PHYHIPL: variants seen among roughly 807,000 people sequenced by gnomAD.
PHYHIPL encodes the protein phytanoyl-CoA 2-hydroxylase interacting protein like.
Under a neutral mutation model 33.4 loss-of-function variants are expected in PHYHIPL, and 9 were observed. The observed-to-expected ratio is 0.27, with a 90% CI of 0.16 to 0.47. The LOEUF (loss-of-function observed/expected upper bound fraction) is 0.47. Among genes scored for constraint, PHYHIPL ranks in the 20% least tolerant of loss-of-function variants. The pLI is 0.99. For synonymous variants in PHYHIPL, 153 were observed against 154.1 expected, an observed-to-expected ratio of 0.99 and a Z score of 0.05; for missense variants, 365 against 460.7, an observed-to-expected ratio of 0.79 and a Z score of 1.90.
chr10:59,176,668 T>A lies in PHYHIPL; in HGVS notation c.-186T>A. Reference sequence around the variant, plus strand: ...AGAGCCGCACACTCCGCGGAGCTCCTGCCACAGCCGTCGCCTTCGCGGCGG... The same window carrying A: ...AGAGCCGCACACTCCGCGGAGCTCCAGCCACAGCCGTCGCCTTCGCGGCGG... On this transcript the variant is annotated 5_prime_UTR_variant, in exon 1 of 5. Transcript: ENST00000373880. 1 of 568,382 alleles carries A rather than the reference T, an allele frequency of 1.8e-6. No homozygotes were observed. Among genetic ancestry groups the A allele is most frequent in the Non-Finnish European group, 3.1e-6 (1 of 322,850 alleles). 35.2% of individuals were successfully genotyped at this position (568,382 alleles called of 1,614,324 possible). A position where few individuals can be genotyped will look rare whatever the true frequency, so the allele number is the denominator to read the frequency against.
At chr10:59,185,992 G>C (rs1838588882) in intron 1 of PHYHIPL, among the ~76,000 whole-genome samples, 1 of 152,052 alleles carries the variant, frequency 6.6e-6, no homozygotes, top group Admixed American at 6.6e-5. Context: ...TGTCAATTTT[G>C]GCTTTTGTTG....
intron 4 of PHYHIPL, among the ~76,000 whole-genome samples, chr10:59,242,165 C>T (rs1474860376): frequency 1.3e-5 from 2 of 152,132 alleles, no homozygotes; most frequent in Non-Finnish European, 2.9e-5. Flanking sequence ...CTGGATTTTC[C>T]ACCACTGCCC....
At chr10:59,176,321 G>A (rs1255395969), upstream of PHYHIPL, among the ~76,000 whole-genome samples, 3 of 152,198 alleles carry the variant, frequency 2.0e-5, no homozygotes, top group African/African-American at 7.2e-5. Flanking sequence ...GCCAGGCACC[G>A]AGAGCAGACA....
chr10:59,232,496 T>C (rs1336387544), intron 1 of PHYHIPL, among the ~76,000 whole-genome samples: 2 of 151,978 alleles, frequency 1.3e-5, no homozygotes, highest in Admixed American at 1.3e-4. Context: ...AAAAACAAAG[T>C]ATTATGTTCT....
At chr10:59,197,625 CT>C (rs933645495) in intron 1 of PHYHIPL, among the ~76,000 whole-genome samples, 1 of 152,094 alleles carries the variant, frequency 6.6e-6, no homozygotes, top group Non-Finnish European at 1.5e-5. Context: ...TGCTTTTACT[CT>C]TCTTTAACAT....
rs184038688 is a variant in PHYHIPL, at chr10:59,182,365, C to T, written c.106+5406C>T. ...ATTATTAGCATTATTATTATTGAGA[C>T]GGAGTTTCGCTCTTTCACCCAGGCT... On this transcript the variant is annotated intron_variant, in intron 1 of 4. Transcript: ENST00000373880. 4.2e-3 allele frequency among the ~76,000 whole-genome samples: 644 copies of T among 152,124 alleles called. 1 individual carries two copies. The highest frequency in any genetic ancestry group is 5.4e-3 in the Non-Finnish European group (370 of 68,008).
At position 59,243,635 on chromosome 10, in the gene PHYHIPL, T is replaced by C. The variant is rs148943682; in HGVS notation, c.597-1422T>C. 5.9e-5 allele frequency among the ~76,000 whole-genome samples: 9 copies of C among 152,262 alleles called. No individual in the cohort carries two copies. In the East Asian group the frequency reaches 1.7e-3, roughly 29 times the overall value. On this transcript the variant is annotated intron_variant, in intron 4 of 4. Transcript: ENST00000373880. The stretch of plus-strand genomic sequence containing the variant: ...CATTGCTGCTAAATTCAGAGGCAGA[T>C]CCAGGCATTTCACTGACCCATAAAC...
rs568752802 is a variant in PHYHIPL, at chr10:59,186,328, T to C, written c.106+9369T>C. 2.6e-3 allele frequency among the ~76,000 whole-genome samples: 402 copies of C among 152,306 alleles called. 2 individuals are homozygous for C. The highest frequency in any genetic ancestry group is 9.0e-3 in the African/African-American group (376 of 41,568). ...CTGTTCTGTTCCATTGGTCTCTATC[T>C]CTGTTTTGGTACCAGTACCATGCTG... On this transcript the variant is annotated intron_variant, in intron 1 of 4. Coordinates refer to ENST00000373880, the MANE Select transcript of PHYHIPL (RefSeq NM_032439.4).
At chr10:59,198,085 G>C (rs558770228) in intron 1 of PHYHIPL, among the ~76,000 whole-genome samples, 1 of 152,058 alleles carries the variant, frequency 6.6e-6, no homozygotes, top group East Asian at 1.9e-4. Context: ...TTAAGTTCTA[G>C]GGTACACGTG....
intron 4 of PHYHIPL, among the ~76,000 whole-genome samples, chr10:59,244,562 CAAAAAAAAA>C (rs71006239): frequency 0.015 from 586 of 39,596 alleles, 13 homozygotes; most frequent in African/African-American, 0.046. Context: ...GACTCTGTCT[CAAAAAAAAA>C]AAAAAAAAAA....
At chr10:59,195,383 G>A (rs1315995744) in intron 1 of PHYHIPL, among the ~76,000 whole-genome samples, 1 of 152,158 alleles carries the variant, frequency 6.6e-6, no homozygotes, top group Non-Finnish European at 1.5e-5. Flanking sequence ...CCAAAGAAAT[G>A]GGTAAAACCT....
At chr10:59,181,383 T>C (rs1297779591) in intron 1 of PHYHIPL, among the ~76,000 whole-genome samples, 1 of 152,120 alleles carries the variant, frequency 6.6e-6, no homozygotes, top group Non-Finnish European at 1.5e-5. Context: ...TTTTAAAGAA[T>C]AGTAAATTTT....
chr10:59,227,975 G>GAGATATATATATATATATATATATAT (rs10530291), intron 1 of PHYHIPL, among the ~76,000 whole-genome samples: 2,922 of 145,232 alleles, frequency 0.02, 52 homozygotes, highest in South Asian at 0.066. Context: ...TGCCTATTGA[G>GAGATATATATATATATATATATATAT]ATATATATAT....
chr10:59,198,858 G>T (rs1839008034), intron 1 of PHYHIPL, among the ~76,000 whole-genome samples: 1 of 152,144 alleles, frequency 6.6e-6, no homozygotes, highest in Admixed American at 6.5e-5. Context: ...GCCTTCTTTT[G>T]AGAAGTGTCT....
chr10:59,210,215 A>T (rs1163814145), intron 1 of PHYHIPL, among the ~76,000 whole-genome samples: 1 of 152,176 alleles, frequency 6.6e-6, no homozygotes, highest in Non-Finnish European at 1.5e-5. Flanking sequence ...TCTACAAAGA[A>T]CTCAAACAAA....
chr10:59,221,744 T>C (rs1265502801), intron 1 of PHYHIPL: 63 of 925,728 alleles, frequency 6.8e-5, no homozygotes, highest in Non-Finnish European at 8.0e-5. Context: ...TCATAAAAGC[T>C]CAAATCTCTA....
At chr10:59,180,218 T>G (rs1838364724) in intron 1 of PHYHIPL, among the ~76,000 whole-genome samples, 1 of 146,040 alleles carries the variant, frequency 6.8e-6, no homozygotes, top group Non-Finnish European at 1.5e-5. Context: ...CACACAGAAT[T>G]TTATATTACT....
At chr10:59,201,816 TA>T (rs140503035) in intron 1 of PHYHIPL, among the ~76,000 whole-genome samples, 161 of 152,314 alleles carry the variant, frequency 1.1e-3, no homozygotes, top group African/African-American at 3.7e-3. Context: ...TGGGCCTTGA[TA>T]TTTTTAAAGT....
At chr10:59,176,338 G>A (rs180783915), upstream of PHYHIPL, among the ~76,000 whole-genome samples, 26 of 152,304 alleles carry the variant, frequency 1.7e-4, no homozygotes, top group East Asian at 9.7e-4. Flanking sequence ...GACAGAAGAC[G>A]CCAAATGGCT....
Sources: allele counts gnomAD v4.1 joint callset (sites outside exome capture counted in the v4.1 genomes callset), GRCh38; gene constraint gnomAD v4.1.1; transcripts MANE v1.5; gene names NCBI Gene and HGNC (gene_info 2026-07-23, HGNC 2026-07-21).